The following OSBPL10 variants were observed in gnomAD, a reference collection of about 807,000 sequenced individuals.
OSBPL10 encodes oxysterol-binding protein-related protein 10.
OSBPL10 carries 49 observed loss-of-function variants against 81.7 expected under a neutral mutation model. That is an observed-to-expected ratio of 0.60 (90% confidence interval 0.48 to 0.76). OSBPL10 has a LOEUF of 0.76. Ranked by LOEUF, OSBPL10 falls within the 30% of genes least tolerant of loss-of-function variation. OSBPL10 has a pLI of 0.00. For missense variants in OSBPL10, 923 were observed against 987.8 expected, an observed-to-expected ratio of 0.93 and a Z score of 0.88; for synonymous variants, 419 against 383.6, an observed-to-expected ratio of 1.09 and a Z score of -1.08.
At chr3:31,758,053 A>AATGCAGG (rs1697936355) in intron 4 of OSBPL10, among the ~76,000 whole-genome samples, 1 of 152,220 alleles carries the variant, frequency 6.6e-6, no homozygotes, top group African/African-American at 2.4e-5. Flanking sequence ...GAGAAGGCAC[A>AATGCAGG]AACTTAAAAA....
At chr3:31,986,888 T>C (rs1183743024) in intron 2 of OSBPL10, among the ~76,000 whole-genome samples, 3 of 152,030 alleles carry the variant, frequency 2.0e-5, no homozygotes, top group South Asian at 2.1e-4. Context: ...GTACCTGTAG[T>C]CCCAGCTACT....
intron 4 of OSBPL10, among the ~76,000 whole-genome samples, chr3:31,816,530 G>C (rs1331541262): frequency 1.3e-5 from 2 of 152,190 alleles, no homozygotes; most frequent in Non-Finnish European, 2.9e-5. Flanking sequence ...GTAATTTCAT[G>C]TGTCAACTTA....
chr3:31,807,245 T>C (rs906613722), intron 4 of OSBPL10, among the ~76,000 whole-genome samples: 2 of 152,230 alleles, frequency 1.3e-5, no homozygotes, highest in Admixed American at 1.3e-4. Context: ...CCAGGCGTCG[T>C]GTTGCACACC....
intron 4 of OSBPL10, among the ~76,000 whole-genome samples, chr3:31,782,089 T>A (rs1216195488): frequency 6.6e-6 from 1 of 152,198 alleles, no homozygotes; most frequent in Non-Finnish European, 1.5e-5. Flanking sequence ...AGCATGGTAC[T>A]GGTATAAAAA....
chr3:31,703,037 T>A (rs1352417048), intron 6 of OSBPL10, among the ~76,000 whole-genome samples: 2 of 152,200 alleles, frequency 1.3e-5, no homozygotes, highest in Admixed American at 6.5e-5. Flanking sequence ...AGAATTGGCA[T>A]TAATTTAGGG....
At chr3:31,803,043 G>A (rs1032267329) in intron 4 of OSBPL10, among the ~76,000 whole-genome samples, 16 of 145,134 alleles carry the variant, frequency 1.1e-4, no homozygotes, top group African/African-American at 4.1e-4. Context: ...CTACAAAGTG[G>A]CTTTTCTAAA....
chr3:31,676,396 A>T (rs866876311), intron 8 of OSBPL10, among the ~76,000 whole-genome samples: 3,436 of 145,360 alleles, frequency 0.024, 128 homozygotes, highest in African/African-American at 0.079. Flanking sequence ...AAGAGAAGCC[A>T]AAAAAAAAAA....
chr3:31,760,323 G>A (rs1055270666), intron 4 of OSBPL10, among the ~76,000 whole-genome samples: 4 of 152,232 alleles, frequency 2.6e-5, no homozygotes, highest in East Asian at 3.9e-4. Flanking sequence ...TCAAACCTGC[G>A]CTGTTCAAGG....
At chr3:31,938,903 T>C (rs1697458792) in intron 1 of OSBPL10, among the ~76,000 whole-genome samples, 1 of 151,988 alleles carries the variant, frequency 6.6e-6, no homozygotes, top group Non-Finnish European at 1.5e-5. Context: ...TTACAGAGAG[T>C]AAAGCAAGAA....
chr3:31,792,108 G>T (rs7629570), intron 4 of OSBPL10, among the ~76,000 whole-genome samples: 2,219 of 151,860 alleles, frequency 0.015, 47 homozygotes, highest in African/African-American at 0.051. Flanking sequence ...GCACATCTGC[G>T]GTCCCAGCTA....
At chr3:31,990,711 C>G in intron 2 of OSBPL10, 1 of 1,614,064 alleles carries the variant, frequency 6.2e-7, no homozygotes, top group Non-Finnish European at 8.5e-7. Context: ...AAGAATGTGA[C>G]ACAGTTTTCA....
chr3:31,795,985 G>T (rs1398530956), intron 4 of OSBPL10: 1 of 213,482 alleles, frequency 4.7e-6, no homozygotes, highest in Non-Finnish European at 1.1e-5. Context: ...TGCACTTCGT[G>T]TTCATACAAG....
intron 1 of OSBPL10, among the ~76,000 whole-genome samples, chr3:32,047,519 A>G (rs1309233994): frequency 6.6e-6 from 1 of 152,132 alleles, no homozygotes; most frequent in African/African-American, 2.4e-5. Flanking sequence ...ATAAACTGTC[A>G]TGGCGCTGGT....
rs568676175 is a variant in OSBPL10 at position 31,677,937 on chromosome 3, C to T, written c.1726+5697G>A. Among the ~76,000 whole-genome samples the T allele has an allele frequency of 2.6e-3, 392 of 150,950 alleles. 8 individuals are homozygous for T. Among genetic ancestry groups the T allele is most frequent in the African/African-American group, 9.3e-3 (380 of 40,658 alleles). On this transcript the variant is annotated intron_variant, in intron 8 of 11. Coordinates refer to ENST00000396556, the MANE Select transcript of OSBPL10 (RefSeq NM_017784.5). ...TCTACTAAAAATACAAAAAATTAGC[C>T]GGGCGCGGTGGCGGGCGCCTGTAGT...
chr3:31,748,359 G>A (rs577149114), intron 4 of OSBPL10, among the ~76,000 whole-genome samples: 1 of 152,150 alleles, frequency 6.6e-6, no homozygotes, highest in Non-Finnish European at 1.5e-5. Context: ...GGGGCCATTA[G>A]GGCCATCTGG....
In OSBPL10 at chr3:32,063,570, T is replaced by A. The variant is rs962903559; in HGVS notation, n.185+13826A>T. On this transcript the variant is annotated intron_variant and non_coding_transcript_variant, in intron 1 of 3. Transcript: ENST00000479173. ...GAGATGTAGGCAAGTGACATGTAGG[T>A]GTTTGAGTCTGATATGGTTTGGTTC... Among the ~76,000 whole-genome samples the A allele has an allele frequency of 2.2e-5, 2 of 91,340 alleles. 1 individual carries two copies. Among genetic ancestry groups the A allele is most frequent in the African/African-American group, 5.6e-5 (2 of 35,512 alleles). The allele number at this position is 91,340 out of a possible 152,430, so 59.9% of individuals were successfully genotyped here.
chr3:31,787,946 CAG>C (rs1378334942), intron 4 of OSBPL10, among the ~76,000 whole-genome samples: 3 of 151,978 alleles, frequency 2.0e-5, no homozygotes, highest in Admixed American at 2.0e-4. Flanking sequence ...AATGCACAAA[CAG>C]AATATAAATG....
chr3:31,736,214 G>A (rs1356544281), intron 5 of OSBPL10, among the ~76,000 whole-genome samples: 1 of 152,076 alleles, frequency 6.6e-6, no homozygotes, highest in Non-Finnish European at 1.5e-5. Context: ...CAATGTGAAT[G>A]CACACATAAA....
chr3:32,069,405 G>A (rs1451213035), intron 1 of OSBPL10, among the ~76,000 whole-genome samples: 2 of 152,024 alleles, frequency 1.3e-5, no homozygotes, highest in African/African-American at 4.8e-5. Context: ...ATAGCTAGGC[G>A]AGATTACATG....
Sources: allele counts gnomAD v4.1 joint callset (sites outside exome capture counted in the v4.1 genomes callset), GRCh38; gene constraint gnomAD v4.1.1; transcripts MANE v1.5; gene names NCBI Gene and HGNC (gene_info 2026-07-23, HGNC 2026-07-21).